HSCB: variants seen among roughly 807,000 people sequenced by gnomAD.
The protein encoded by HSCB is iron-sulfur cluster co-chaperone protein HscB.
HSCB carries 23 observed loss-of-function variants against 31.3 expected under a neutral mutation model. That is an observed-to-expected ratio of 0.74 (90% CI 0.53 to 1.04). HSCB has a LOEUF of 1.04. Ranked by LOEUF, HSCB falls within the 50% of genes least tolerant of loss-of-function variation. The pLI is 0.00. For missense variants in HSCB, 297 were observed against 288.1 expected, an observed-to-expected ratio of 1.03 and a Z score of -0.22; for synonymous variants, 110 against 104.5, an observed-to-expected ratio of 1.05 and a Z score of -0.32.
At chr22:28,755,454 G>A (rs749071107) in intron 5 of HSCB, among the ~76,000 whole-genome samples, 5 of 151,860 alleles carry the variant, frequency 3.3e-5, no homozygotes, top group African/African-American at 4.8e-5. Context: ...AATGAAATAC[G>A]ACCAAGGCCT....
chr22:28,754,557 C>T (rs756691149), intron 5 of HSCB, among the ~76,000 whole-genome samples: 4 of 151,938 alleles, frequency 2.6e-5, no homozygotes, highest in Non-Finnish European at 4.4e-5. Flanking sequence ...GTAATCCCAG[C>T]TACTTGGGAG....
Position 28,744,688 on chromosome 22 carries a change from G to A in HSCB, c.407G>A (p.Ser136Asn). 1.9e-6 allele frequency: 3 copies of A among 1,613,380 alleles called. No homozygotes were observed. The highest frequency in any genetic ancestry group is 2.5e-6 in the Non-Finnish European group (3 of 1,179,264). ...DAYKTLLAPL[S>N]RGLYLLKLHG... ...TATAAGACCCTCCTGGCCCCCCTGAGCAGAGGACTGTACCTTGTAAGGTGA... is the reference window on the plus strand; with the variant it reads ...TATAAGACCCTCCTGGCCCCCCTGAACAGAGGACTGTACCTTGTAAGGTGA... Residue 136 changes from serine to asparagine, a missense_variant, in exon 3 of 6, where the codon AGC becomes AAC. Physicochemically the swap from Ser to Asn is conservative, Grantham distance 46 (BLOSUM62 1). Coordinates refer to ENST00000216027, the MANE Select transcript of HSCB (RefSeq NM_172002.5).
At chr22:28,742,739 T>A in intron 1 of HSCB, 1 of 205,080 alleles carries the variant, frequency 4.9e-6, no homozygotes. Flanking sequence ...GTGAGTAAGG[T>A]TTAAAGTTGG....
chr22:28,751,340 A>C, intron 5 of HSCB, 52 bp downstream of exon 5: 1 of 1,075,618 alleles, frequency 9.3e-7, no homozygotes, highest in East Asian at 2.5e-5. Context: ...TCAAGCACTG[A>C]AGCATAGCCA....
In HSCB at chr22:28,742,053, CT is replaced by C; in HGVS notation, c.-39del. The C allele has an allele frequency of 6.4e-7, 1 of 1,567,154 alleles. No individual in the cohort carries two copies. The highest frequency in any genetic ancestry group is 8.6e-7 in the Non-Finnish European group (1 of 1,158,320). ...TTAGTCTGGTTAGACGCTCTCTTTG[CT>C]TTTCCCCACGAGTGACCACGGCTAG... On this transcript the variant is annotated 5_prime_UTR_variant, in exon 1 of 6. Transcript: ENST00000216027.
intron 5 of HSCB, among the ~76,000 whole-genome samples, chr22:28,754,403 C>A (rs1172362530): frequency 1.3e-5 from 2 of 152,094 alleles, no homozygotes; most frequent in African/African-American, 4.8e-5. Flanking sequence ...GGCACGGTGG[C>A]TCCCACCTGT....
chr22:28,744,891 T>C (rs1352607939), intron 3 of HSCB, among the ~76,000 whole-genome samples, 187 bp downstream of exon 3: 1 of 151,946 alleles, frequency 6.6e-6, no homozygotes, highest in Non-Finnish European at 1.5e-5. Flanking sequence ...AAGACCATCC[T>C]GGGCAACATG....
In HSCB at chr22:28,751,293, T is replaced by C. The variant is rs2030233657; in HGVS notation, c.616+5T>C. 6.4e-7 allele frequency: 1 copy of C among 1,574,312 alleles called. No individual in the cohort carries two copies. Among genetic ancestry groups the C allele is most frequent in the East Asian group, 2.2e-5 (1 of 44,630 alleles). On this transcript the variant is annotated splice_donor_5th_base_variant and intron_variant, in intron 5 of 5. Coordinates refer to ENST00000216027, the MANE Select transcript of HSCB (RefSeq NM_172002.5). ...TGAGCAGTGCTTTTGAACAAGGTAC[T>C]TTCTTTTCTTCACTTTCTTAAATAT...
At chr22:28,743,237 G>T (rs959098838) in intron 1 of HSCB, among the ~76,000 whole-genome samples, 2 of 152,064 alleles carry the variant, frequency 1.3e-5, no homozygotes, top group African/African-American at 2.4e-5. Context: ...TGGCTAAGCC[G>T]ACCTAACGGG....
chr22:28,750,245 C>A, intron 4 of HSCB, among the ~76,000 whole-genome samples: 2 of 61,054 alleles, frequency 3.3e-5, no homozygotes, highest in African/African-American at 1.4e-4. Context: ...GCGAAACTGT[C>A]TCAAAAAAAA....
At chr22:28,744,970 C>T (rs2054659885) in intron 3 of HSCB, among the ~76,000 whole-genome samples, 1 of 151,340 alleles carries the variant, frequency 6.6e-6, no homozygotes, top group Non-Finnish European at 1.5e-5. Flanking sequence ...GTAGTCCCAG[C>T]TACTCTGGAA....
chr22:28,748,010 C>G (rs1460089853), intron 4 of HSCB, among the ~76,000 whole-genome samples: 1 of 152,036 alleles, frequency 6.6e-6, no homozygotes, highest in Non-Finnish European at 1.5e-5. Flanking sequence ...ATGATGAAAC[C>G]CTGTCTCTAC....
At chr22:28,744,175 C>A (rs2054643951) in intron 2 of HSCB, among the ~76,000 whole-genome samples, 197 bp downstream of exon 2, 1 of 152,226 alleles carries the variant, frequency 6.6e-6, no homozygotes, top group African/African-American at 2.4e-5. Flanking sequence ...TAACTTAAAA[C>A]CTATCAGCTG....
intron 5 of HSCB, among the ~76,000 whole-genome samples, chr22:28,754,834 C>A (rs1229722097): frequency 1.3e-5 from 2 of 149,234 alleles, no homozygotes; most frequent in Admixed American, 6.7e-5. Context: ...TTTGCTCTTT[C>A]GCCCAGGCTA....
At chr22:28,756,503 C>T (rs2030607511) in intron 5 of HSCB, among the ~76,000 whole-genome samples, 2 of 151,018 alleles carry the variant, frequency 1.3e-5, no homozygotes, top group South Asian at 4.2e-4. Flanking sequence ...GGGTCTCACC[C>T]TGTCGCCCAG....
At chr22:28,743,634 G>T (rs1421362878) in intron 1 of HSCB, among the ~76,000 whole-genome samples, 2 of 152,002 alleles carry the variant, frequency 1.3e-5, no homozygotes, top group African/African-American at 2.4e-5. Context: ...AATTCTACCT[G>T]GACGTCTCTT....
chr22:28,742,451 G>A lies in HSCB; in HGVS notation c.236+120G>A, dbSNP rs542058183. ...AGGCGGGACTGATGGGGGGGCGGAG[G>A]TCTAGAGAGCAGGCGTGAGAGAAGT... On this transcript the variant is annotated intron_variant, in intron 1 of 5. Coordinates refer to ENST00000216027, the MANE Select transcript of HSCB (RefSeq NM_172002.5). The A allele has an allele frequency of 3.4e-6, 5 of 1,459,192 alleles. No individual in the cohort carries two copies. The African/African-American group carries it at 4.2e-5, about 12-fold the overall frequency. The allele number at this position is 1,459,192 out of a possible 1,614,324, so 90.4% of individuals were successfully genotyped here.
intron 4 of HSCB, among the ~76,000 whole-genome samples, chr22:28,747,529 T>C (rs764767574): frequency 6.6e-6 from 1 of 152,086 alleles, no homozygotes. Flanking sequence ...TTCAAACTCC[T>C]AGGTTCAAAG....
chr22:28,747,336 CTG>C (rs2029908227), intron 4 of HSCB, among the ~76,000 whole-genome samples: 1 of 152,182 alleles, frequency 6.6e-6, no homozygotes, highest in Non-Finnish European at 1.5e-5. Context: ...TGGTCTCACT[CTG>C]TCACCCAGGC....
Sources: gnomAD v4.1 joint callset for allele counts (sites outside exome capture counted in the v4.1 genomes callset) on GRCh38, gnomAD v4.1.1 for gene constraint, MANE v1.5 for transcripts, NCBI Gene and HGNC (gene_info 2026-07-23, HGNC 2026-07-21) for gene names.